Variants in AUTS2 observed in about 807,000 individuals in gnomAD.
The protein encoded by AUTS2 is autism susceptibility gene 2 protein.
AUTS2 carries 17 observed loss-of-function variants against 112.4 expected under a neutral mutation model. The observed-to-expected ratio is 0.15, with a 90% CI of 0.10 to 0.23. AUTS2 has a LOEUF of 0.23. AUTS2 is among the 10% of genes least tolerant of loss of function. The pLI is 1.00. For missense variants in AUTS2, 1,510 were observed against 1,701.6 expected (o/e 0.89, Z 1.98); for synonymous variants, 751 against 702.7 (o/e 1.07, Z -1.09).
At chr7:69,875,435 A>G (rs1793687923) in intron 1 of AUTS2, among the ~76,000 whole-genome samples, 1 of 152,204 alleles carries the variant, frequency 6.6e-6, no homozygotes, top group Non-Finnish European at 1.5e-5. Flanking sequence ...ATTTAGTGCT[A>G]AGATTTCTGG....
chr7:70,415,659 T>C (rs1794958779), intron 4 of AUTS2, among the ~76,000 whole-genome samples: 1 of 152,160 alleles, frequency 6.6e-6, no homozygotes, highest in African/African-American at 2.4e-5. Flanking sequence ...TGTAACAAGA[T>C]CACAGCAACC....
intron 1 of AUTS2, among the ~76,000 whole-genome samples, chr7:69,874,247 G>A (rs1294725016): frequency 3.9e-5 from 6 of 152,124 alleles, no homozygotes; most frequent in Admixed American, 1.3e-4. Context: ...AACAAGAGAC[G>A]TGAAGACACA....
At chr7:70,312,462 C>G (rs1388203742) in intron 4 of AUTS2, among the ~76,000 whole-genome samples, 1 of 152,192 alleles carries the variant, frequency 6.6e-6, no homozygotes, top group African/African-American at 2.4e-5. Flanking sequence ...GATTTGGCCT[C>G]AAGCTGAGTT....
intron 5 of AUTS2, among the ~76,000 whole-genome samples, chr7:70,539,815 G>A (rs966305089): frequency 6.6e-6 from 1 of 152,000 alleles, no homozygotes; most frequent in African/African-American, 2.4e-5. Flanking sequence ...CTGCTGTGCG[G>A]GAAGAAAGCA....
chr7:70,014,526 A>T (rs1269922343), intron 2 of AUTS2, among the ~76,000 whole-genome samples: 1 of 152,218 alleles, frequency 6.6e-6, no homozygotes, highest in African/African-American at 2.4e-5. Flanking sequence ...GAAGATTTCA[A>T]TGTTAATGTC....
chr7:70,298,054 C>T (rs868153677), intron 4 of AUTS2, among the ~76,000 whole-genome samples: 6 of 151,734 alleles, frequency 4.0e-5, no homozygotes, highest in Middle Eastern at 3.4e-3. Context: ...TTTTTTGAGA[C>T]GGAATCTCAC....
At chr7:70,147,782 A>G (rs1332836804) in intron 4 of AUTS2, among the ~76,000 whole-genome samples, 1 of 152,114 alleles carries the variant, frequency 6.6e-6, no homozygotes, top group African/African-American at 2.4e-5. Flanking sequence ...AAGGGTGGAA[A>G]GCCAAACCCA....
chr7:70,266,823 A>G (rs1420542679), intron 4 of AUTS2, among the ~76,000 whole-genome samples: 2 of 152,224 alleles, frequency 1.3e-5, no homozygotes, highest in African/African-American at 2.4e-5. Context: ...TGAATTTATC[A>G]TAAATAATGT....
intron 5 of AUTS2, among the ~76,000 whole-genome samples, chr7:70,662,626 C>T (rs1409186734): frequency 6.6e-6 from 1 of 152,178 alleles, no homozygotes; most frequent in African/African-American, 2.4e-5. Context: ...ATAATAATGT[C>T]ATTTTCCTCC....
chr7:70,735,480 G>T (rs1787728230), intron 6 of AUTS2, among the ~76,000 whole-genome samples: 1 of 152,186 alleles, frequency 6.6e-6, no homozygotes, highest in East Asian at 1.9e-4. Flanking sequence ...CCTCACGGGG[G>T]TGATGCGGAT....
At chr7:69,826,208 C>T (rs1791235471) in intron 1 of AUTS2, among the ~76,000 whole-genome samples, 1 of 152,092 alleles carries the variant, frequency 6.6e-6, no homozygotes, top group African/African-American at 2.4e-5. Context: ...GTAAGGATAA[C>T]CCCTTATAGT....
chr7:69,968,096 C>T (rs1797703573), intron 2 of AUTS2, among the ~76,000 whole-genome samples: 1 of 152,160 alleles, frequency 6.6e-6, no homozygotes, highest in South Asian at 2.1e-4. Flanking sequence ...GCAGGATATT[C>T]TGCTTTAGAT....
intron 10 of AUTS2, among the ~76,000 whole-genome samples, chr7:70,769,856 G>C (rs1790224768): frequency 6.6e-6 from 1 of 152,092 alleles, no homozygotes; most frequent in South Asian, 2.1e-4. Context: ...TTATTACTTA[G>C]GCGCTTCAGG....
chr7:70,242,028 G>A (rs931721191), intron 4 of AUTS2, among the ~76,000 whole-genome samples: 4 of 152,152 alleles, frequency 2.6e-5, no homozygotes, highest in African/African-American at 9.7e-5. Context: ...CTATTCTTTA[G>A]ACATGTGCAG....
At chr7:70,639,076 T>A (rs928443990) in intron 5 of AUTS2, among the ~76,000 whole-genome samples, 2 of 152,088 alleles carry the variant, frequency 1.3e-5, no homozygotes, top group Non-Finnish European at 2.9e-5. Context: ...CTCTTACAAA[T>A]GTAAAAAAGT....
chr7:70,747,835 T>G (rs773383870), intron 6 of AUTS2, among the ~76,000 whole-genome samples: 7 of 148,892 alleles, frequency 4.7e-5, no homozygotes, highest in Non-Finnish European at 1.0e-4. Flanking sequence ...TTTATTTTTG[T>G]TTTTGAGACA....
At chr7:70,317,596 C>T (rs1790055085) in intron 4 of AUTS2, among the ~76,000 whole-genome samples, 1 of 152,178 alleles carries the variant, frequency 6.6e-6, no homozygotes, top group Non-Finnish European at 1.5e-5. Flanking sequence ...AGGACTCAAA[C>T]TCAGGCAGGG....
intron 2 of AUTS2, among the ~76,000 whole-genome samples, chr7:69,904,744 T>A (rs114052114): frequency 0.034 from 5,200 of 152,270 alleles, 128 homozygotes; most frequent in Middle Eastern, 0.085. Flanking sequence ...AGGTATCAAA[T>A]AAAATTCTTT....
intron 4 of AUTS2, among the ~76,000 whole-genome samples, chr7:70,414,341 G>C (rs952628747): frequency 2.0e-5 from 3 of 152,194 alleles, no homozygotes; most frequent in East Asian, 3.9e-4. Context: ...CACCAGCAAA[G>C]CTTTTGTAGC....
Sources: gnomAD v4.1 joint callset for allele counts (sites outside exome capture counted in the v4.1 genomes callset) on GRCh38, gnomAD v4.1.1 for gene constraint, MANE v1.5 for transcripts, NCBI Gene and HGNC (gene_info 2026-07-23, HGNC 2026-07-21) for gene names.